PMM2: variants seen among roughly 807,000 people sequenced by gnomAD.
The protein encoded by PMM2 is phosphomannomutase 2, also known as mannose-6-phosphate isomerase.
Under a neutral mutation model 33.2 loss-of-function variants are expected in PMM2, and 35 were observed. The observed-to-expected ratio is 1.06, with a 90% CI of 0.81 to 1.40. PMM2 has a LOEUF of 1.40. PMM2 is among the 40% of genes most tolerant of loss of function. PMM2 has a pLI of 0.00. For missense variants in PMM2, 386 were observed against 306.0 expected (o/e 1.26, Z -1.95); for synonymous variants, 153 against 114.7 (o/e 1.33, Z -2.13).
chr16:8,848,043 C>G lies in PMM2; in HGVS notation c.*218C>G, dbSNP rs888360921. ...TCAAGAATGGCCCAGAGGAATGCCTCGCACAAAAGGTCTTCCCCACCCACC... is the reference window on the plus strand; with the variant it reads ...TCAAGAATGGCCCAGAGGAATGCCTGGCACAAAAGGTCTTCCCCACCCACC... On this transcript the variant is annotated 3_prime_UTR_variant, in exon 8 of 8. Transcript: ENST00000268261. 1.2e-4 allele frequency: 65 copies of G among 561,296 alleles called. No homozygotes were observed. The South Asian group carries it at 1.2e-3, about 10-fold the overall frequency. 34.8% of individuals were successfully genotyped at this position (561,296 alleles called of 1,614,324 possible).
intron 7 of PMM2, chr16:8,832,965 C>CCTCGACCACACCACAGGCT (rs1555451574): frequency 3.1e-6 from 3 of 963,684 alleles, no homozygotes; most frequent in Non-Finnish European, 3.7e-6. Context: ...TGACTGGTCT[C>CCTCGACCACACCACAGGCT]CCCAGGGCAG....
chr16:8,847,585 C>CT, intron 7 of PMM2, 139 bp from the exon 8 acceptor site: 4 of 705,804 alleles, frequency 5.7e-6, no homozygotes, highest in East Asian at 2.7e-5. Flanking sequence ...CTCCTGGAAA[C>CT]TAAGAGGAAG....
In PMM2 at chr16:8,848,235, A is replaced by G. The variant is rs77027373; in HGVS notation, c.*410A>G. On this transcript the variant is annotated 3_prime_UTR_variant, in exon 8 of 8. Coordinates refer to ENST00000268261, the MANE Select transcript of PMM2 (RefSeq NM_000303.3). ...GTTTTTTTAATGGGCCCCTGCATCA[A>G]TACCAAACATGGGGGTTTGGTAATG... is the stretch of plus-strand genomic sequence containing the variant. 292 of 230,304 alleles carry G rather than the reference A, an allele frequency of 1.3e-3. No homozygotes were observed. The highest frequency in any genetic ancestry group is 1.8e-3 in the Non-Finnish European group (207 of 113,746). 14.3% of individuals were successfully genotyped at this position (230,304 alleles called of 1,614,324 possible).
At chr16:8,846,084 C>A (rs2060923976) in intron 7 of PMM2, among the ~76,000 whole-genome samples, 1 of 152,202 alleles carries the variant, frequency 6.6e-6, no homozygotes, top group Non-Finnish European at 1.5e-5. Flanking sequence ...CTGACAGGTT[C>A]CCAAGTGGCT....
At chr16:8,799,681 G>A (rs919316099) in intron 1 of PMM2, among the ~76,000 whole-genome samples, 1 of 152,100 alleles carries the variant, frequency 6.6e-6, no homozygotes, top group African/African-American at 2.4e-5. Context: ...CCAAGTAGCT[G>A]GTGCTACAGG....
rs151304049 is a variant in PMM2 at position 8,816,270 on chromosome 16, G to A, written c.639+3164G>A. ...GCCTCCCGAGTAGCTGGGATTACAG[G>A]CGCCCGCCACCATGCCCAGCTAATT... On this transcript the variant is annotated intron_variant, in intron 7 of 7. Transcript: ENST00000268261. 4.7e-3 allele frequency among the ~76,000 whole-genome samples: 714 copies of A among 152,058 alleles called. 3 individuals carry two copies. The highest frequency in any genetic ancestry group is 0.017 in the African/African-American group (690 of 41,502).
chr16:8,843,903 AGAT>A (rs1333566993), intron 7 of PMM2, among the ~76,000 whole-genome samples: 1 of 152,128 alleles, frequency 6.6e-6, no homozygotes, highest in Non-Finnish European at 1.5e-5. Flanking sequence ...TAGAAAAGGA[AGAT>A]TAGAAAGACT....
In PMM2 at chr16:8,848,546, T is replaced by G. The variant is rs535226555; in HGVS notation, c.*721T>G. Reference sequence around the variant, plus strand: ...ACTCAGAATAGCCTGGCTGCTTCTCTGTCTCCGAGACCGGAGGTAGTGGGA... The same window carrying G: ...ACTCAGAATAGCCTGGCTGCTTCTCGGTCTCCGAGACCGGAGGTAGTGGGA... On this transcript the variant is annotated 3_prime_UTR_variant, in exon 8 of 8. Transcript: ENST00000268261. 6.6e-6 allele frequency: 1 copy of G among 152,534 alleles called. No homozygotes were observed. The highest frequency in any genetic ancestry group is 1.5e-5 in the Non-Finnish European group (1 of 68,282). The allele number at this position is 152,534 out of a possible 1,614,324, so 9.4% of individuals were successfully genotyped here.
chr16:8,844,880 T>C (rs2060914818), intron 7 of PMM2, among the ~76,000 whole-genome samples: 1 of 152,118 alleles, frequency 6.6e-6, no homozygotes, highest in African/African-American at 2.4e-5. Flanking sequence ...AGGCTGCTTA[T>C]TGGATTTGAA....
At chr16:8,822,671 T>C (rs1463218524) in intron 7 of PMM2, among the ~76,000 whole-genome samples, 1 of 152,184 alleles carries the variant, frequency 6.6e-6, no homozygotes, top group Non-Finnish European at 1.5e-5. Flanking sequence ...TACTTCATAC[T>C]GTGGGATATG....
intron 7 of PMM2, among the ~76,000 whole-genome samples, chr16:8,846,859 T>C (rs1332772652): frequency 1.3e-5 from 2 of 152,124 alleles, no homozygotes; most frequent in Non-Finnish European, 2.9e-5. Context: ...CCCAGTCATG[T>C]GGGGCCATTT....
chr16:8,825,130 A>G (rs1252511233), intron 7 of PMM2, among the ~76,000 whole-genome samples: 1 of 152,162 alleles, frequency 6.6e-6, no homozygotes, highest in Non-Finnish European at 1.5e-5. Context: ...TCCTGGGTTC[A>G]TGCCATTCTC....
chr16:8,832,747 C>T (rs12917990), intron 7 of PMM2: 525,225 of 984,572 alleles, frequency 0.53, 141,322 homozygotes, highest in East Asian at 0.65. Context: ...CAGGCGGCTA[C>T]CCGTGAAATC....
At chr16:8,813,775 A>T (rs779183821) in intron 7 of PMM2, among the ~76,000 whole-genome samples, 12 of 150,488 alleles carry the variant, frequency 8.0e-5, no homozygotes, top group Non-Finnish European at 1.8e-4. Context: ...GATCCCCAGG[A>T]GGTCAGAGAG....
At chr16:8,823,650 C>A (rs1018889506) in intron 7 of PMM2, among the ~76,000 whole-genome samples, 1 of 152,104 alleles carries the variant, frequency 6.6e-6, no homozygotes, top group Non-Finnish European at 1.5e-5. Context: ...TCAGGTTAGA[C>A]TTTTTTAAAG....
intron 6 of PMM2, 98 bp from the exon 7 acceptor site, chr16:8,812,893 C>G: frequency 1.3e-6 from 1 of 783,614 alleles, no homozygotes; most frequent in Non-Finnish European, 2.3e-6. Context: ...ACCTTGGCAA[C>G]CCACTAACTG....
chr16:8,847,412 C>G (rs1001686233), intron 7 of PMM2, among the ~76,000 whole-genome samples: 10 of 148,116 alleles, frequency 6.8e-5, no homozygotes, highest in African/African-American at 2.2e-4. Flanking sequence ...TGTGAGAATA[C>G]TGTCACTCGC....
At chr16:8,805,597 T>C (rs1186173062) in intron 3 of PMM2, among the ~76,000 whole-genome samples, 2 of 150,756 alleles carry the variant, frequency 1.3e-5, no homozygotes, top group Non-Finnish European at 3.0e-5. Flanking sequence ...TTTTTTTTTT[T>C]CTTTTTTCTT....
In PMM2 at chr16:8,848,786, A is replaced by G. The variant is rs1732882210; in HGVS notation, c.*961A>G. On this transcript the variant is annotated 3_prime_UTR_variant, in exon 8 of 8. Transcript: ENST00000268261. ...GAACAGTAAGAGGAGCTGCTCTCCT[A>G]TCTGCACTCACCCAGGCCTTCACCC... 1 of 152,236 alleles carries G rather than the reference A, an allele frequency of 6.6e-6. No homozygotes were observed. The highest frequency in any genetic ancestry group is 6.5e-5 in the Admixed American group (1 of 15,288). 9.4% of individuals were successfully genotyped at this position (152,236 alleles called of 1,614,324 possible). A position where few individuals can be genotyped will look rare whatever the true frequency, so the allele number is the denominator to read the frequency against.
Sources: allele counts gnomAD v4.1 joint callset (sites outside exome capture counted in the v4.1 genomes callset), GRCh38; gene constraint gnomAD v4.1.1; transcripts MANE v1.5; gene names NCBI Gene and HGNC (gene_info 2026-07-23, HGNC 2026-07-21).